The following SH3RF2 variants were observed in gnomAD, a reference collection of about 807,000 sequenced individuals.
The protein encoded by SH3RF2 is SH3 domain containing ring finger 2.
In SH3RF2, 43 loss-of-function variants were observed where a neutral mutation model predicts 59.0. That is an observed-to-expected ratio of 0.73 (90% confidence interval 0.57 to 0.94). The LOEUF is 0.94. SH3RF2 is among the 40% of genes least tolerant of loss of function. SH3RF2 has a pLI of 0.00. For synonymous variants in SH3RF2, 391 were observed against 391.5 expected (o/e 1.00, Z 0.01); for missense variants, 930 against 940.1 (o/e 0.99, Z 0.14).
intron 8 of SH3RF2, among the ~76,000 whole-genome samples, chr5:146,057,096 C>T (rs1418104028): frequency 6.6e-6 from 1 of 152,236 alleles, no homozygotes; most frequent in African/African-American, 2.4e-5. Context: ...TTAAACTAAG[C>T]TCTGCGATCT....
In SH3RF2 at chr5:146,058,990, G is replaced by A. The variant is rs147973857; in HGVS notation, c.1556-876G>A. On this transcript the variant is annotated intron_variant, in intron 8 of 9. Transcript: ENST00000359120. ...TACCCAAAAATAATGATAGCTAACA[G>A]ACATGCGGCATTTATCATATTCCAG... is the stretch of plus-strand genomic sequence containing the variant. Among the ~76,000 whole-genome samples the A allele has an allele frequency of 1.4e-3, 217 of 152,102 alleles. 1 individual carries two copies. The highest frequency in any genetic ancestry group is 4.9e-3 in the African/African-American group (202 of 41,488).
chr5:146,016,336 A>ATAGG (rs2149994751), intron 5 of SH3RF2, among the ~76,000 whole-genome samples: 1 of 150,034 alleles, frequency 6.7e-6, no homozygotes, highest in East Asian at 2.0e-4. Flanking sequence ...GGATGGATCT[A>ATAGG]TAGGTAGGTA....
intron 2 of SH3RF2, among the ~76,000 whole-genome samples, chr5:145,977,128 G>C (rs577915894): frequency 1.3e-5 from 2 of 152,222 alleles, no homozygotes; most frequent in Non-Finnish European, 2.9e-5. Context: ...GCCAAGCAAG[G>C]GGAAACTGGG....
Position 145,972,922 on chromosome 5 carries a change from G to A in SH3RF2, c.379-27136G>A, listed in dbSNP as rs1428888440. ...TGCAGTCACAGTACCAGGCCCACAA[G>A]TAGATAATAGAGCTACAAGAAGAAC... is the stretch of plus-strand genomic sequence containing the variant. On this transcript the variant is annotated intron_variant, in intron 2 of 9. Coordinates refer to ENST00000359120, the MANE Select transcript of SH3RF2 (RefSeq NM_152550.4). 2.0e-5 allele frequency among the ~76,000 whole-genome samples: 3 copies of A among 152,152 alleles called. No homozygotes were observed. The South Asian group carries it at 6.2e-4, about 32-fold the overall frequency.
rs1762958295 is a variant in SH3RF2 at position 146,063,046 on chromosome 5, G to A, written c.*345G>A. The A allele has an allele frequency of 3.7e-6, 1 of 267,396 alleles. No homozygotes were observed. The highest frequency in any genetic ancestry group is 7.1e-6 in the Non-Finnish European group (1 of 141,536). 16.6% of individuals were successfully genotyped at this position (267,396 alleles called of 1,614,324 possible). ...TGTAGAATTTCTATGGTGTCCTAAA[G>A]GGGGCTGCAGCAGGGGTGTGACAAC... On this transcript the variant is annotated 3_prime_UTR_variant, in exon 10 of 10. Coordinates refer to ENST00000359120, the MANE Select transcript of SH3RF2 (RefSeq NM_152550.4).
chr5:146,012,104 T>C (rs1760927791), intron 4 of SH3RF2, among the ~76,000 whole-genome samples: 1 of 152,230 alleles, frequency 6.6e-6, no homozygotes, highest in Non-Finnish European at 1.5e-5. Flanking sequence ...CTGTTGAATT[T>C]TATCAAAGGC....
intron 7 of SH3RF2, among the ~76,000 whole-genome samples, chr5:146,054,995 G>A (rs1212408659): frequency 1.6e-4 from 25 of 152,230 alleles, no homozygotes; most frequent in Admixed American, 1.6e-3. Context: ...AGAAAGGCAT[G>A]TAAAATGACA....
chr5:146,021,237 C>T (rs1761306204), intron 5 of SH3RF2, among the ~76,000 whole-genome samples: 1 of 152,076 alleles, frequency 6.6e-6, no homozygotes, highest in Non-Finnish European at 1.5e-5. Flanking sequence ...CCTTTGGACA[C>T]CCTCCCAGTT....
chr5:146,048,859 G>A (rs1260917766), intron 6 of SH3RF2, among the ~76,000 whole-genome samples: 1 of 152,132 alleles, frequency 6.6e-6, no homozygotes, highest in Non-Finnish European at 1.5e-5. Flanking sequence ...ATTTCACCAT[G>A]TTGGCCAGGC....
At chr5:145,974,255 G>A (rs1301949553) in intron 2 of SH3RF2, among the ~76,000 whole-genome samples, 1 of 152,160 alleles carries the variant, frequency 6.6e-6, no homozygotes, top group Non-Finnish European at 1.5e-5. Context: ...AGAGTGTCGA[G>A]CAAGACGGAA....
At chr5:145,987,744 T>A (rs924660301) in intron 2 of SH3RF2, among the ~76,000 whole-genome samples, 1 of 152,084 alleles carries the variant, frequency 6.6e-6, no homozygotes, top group African/African-American at 2.4e-5. Flanking sequence ...AAATATTTGT[T>A]GAAAGCAAAA....
intron 4 of SH3RF2, among the ~76,000 whole-genome samples, chr5:146,012,462 G>C (rs1176006851): frequency 6.6e-6 from 1 of 152,104 alleles, no homozygotes; most frequent in Non-Finnish European, 1.5e-5. Flanking sequence ...TTGTACCTCT[G>C]GTAGAATTCG....
At chr5:145,986,758 G>A (rs1484860624) in intron 2 of SH3RF2, among the ~76,000 whole-genome samples, 7 of 152,154 alleles carry the variant, frequency 4.6e-5, no homozygotes, top group Non-Finnish European at 1.0e-4. Flanking sequence ...TCCTAGGATA[G>A]GGAAATGAGA....
chr5:145,939,391 C>T (rs940913352), intron 2 of SH3RF2, among the ~76,000 whole-genome samples: 2 of 152,236 alleles, frequency 1.3e-5, no homozygotes, highest in African/African-American at 4.8e-5. Flanking sequence ...GGACTGCTTC[C>T]TTACTCAGGA....
At chr5:146,065,626 A>T (rs998522442), downstream of SH3RF2, among the ~76,000 whole-genome samples, 2 of 152,226 alleles carry the variant, frequency 1.3e-5, no homozygotes, top group African/African-American at 4.8e-5. Flanking sequence ...AGATGCAAAC[A>T]ACTCCAAGAC....
intron 5 of SH3RF2, among the ~76,000 whole-genome samples, chr5:146,046,424 T>TC (rs35735126): frequency 0.34 from 51,893 of 151,874 alleles, 9,235 homozygotes; most frequent in Non-Finnish European, 0.39. Context: ...AAAAGCATAG[T>TC]CCTAAAAAGG....
At chr5:146,031,688 C>T (rs1052397880) in intron 5 of SH3RF2, among the ~76,000 whole-genome samples, 2 of 152,130 alleles carry the variant, frequency 1.3e-5, no homozygotes, top group Non-Finnish European at 2.9e-5. Context: ...TCCTGCCAGC[C>T]CTGGGGATTT....
rs750280738 is a variant in SH3RF2, at chr5:146,004,076, A to G, written c.667A>G (p.Ile223Val). 1 of 1,612,892 alleles carries G rather than the reference A, an allele frequency of 6.2e-7. No homozygotes were observed. Among genetic ancestry groups the G allele is most frequent in the Non-Finnish European group, 8.5e-7 (1 of 1,179,088 alleles). Residue 223 changes from isoleucine to valine, a missense_variant, in exon 4 of 10, where the codon ATC becomes GTC. Physicochemically the swap from Ile to Val is conservative, Grantham distance 29. Coordinates refer to ENST00000359120, the MANE Select transcript of SH3RF2 (RefSeq NM_152550.4). ...CTTTCAGGACGATATCATCACTGTG[A>G]TCAGCCGAGTGGATGAGAACTGGGC... ...TFLKDDIITV[I>V]SRVDENWAEG... is the part of the protein sequence containing the mutation.
chr5:145,994,683 G>C (rs1048079906), intron 2 of SH3RF2, among the ~76,000 whole-genome samples: 3 of 152,140 alleles, frequency 2.0e-5, no homozygotes, highest in African/African-American at 7.2e-5. Context: ...CCTCCCACCA[G>C]GCCCTTCCCA....
Sources: gnomAD v4.1 joint callset for allele counts (sites outside exome capture counted in the v4.1 genomes callset) on GRCh38, gnomAD v4.1.1 for gene constraint, MANE v1.5 for transcripts, NCBI Gene and HGNC (gene_info 2026-07-23, HGNC 2026-07-21) for gene names.